MAP2K4: variants seen among roughly 807,000 people sequenced by gnomAD.
MAP2K4 encodes mitogen-activated protein kinase kinase 4.
In MAP2K4, 4 loss-of-function variants were observed where a neutral mutation model predicts 48.5. That is an observed-to-expected ratio of 0.08 (90% CI 0.04 to 0.19). MAP2K4 has a LOEUF of 0.19. Ranked by LOEUF, MAP2K4 falls within the 10% of genes least tolerant of loss-of-function variation. The pLI, the probability that MAP2K4 is intolerant of heterozygous loss-of-function variation, is 1.00. For missense variants in MAP2K4, 258 were observed against 493.3 expected, an observed-to-expected ratio of 0.52 and a Z score of 4.52; for synonymous variants, 166 against 173.1, an observed-to-expected ratio of 0.96 and a Z score of 0.32.
chr17:12,106,126 C>T (rs768278551), intron 4 of MAP2K4, among the ~76,000 whole-genome samples: 3 of 151,658 alleles, frequency 2.0e-5, no homozygotes, highest in Non-Finnish European at 4.4e-5. Flanking sequence ...TTTTTTTTTC[C>T]GCTTTGCTAT....
At chr17:12,085,829 T>A (rs1971343650) in intron 3 of MAP2K4, among the ~76,000 whole-genome samples, 2 of 152,128 alleles carry the variant, frequency 1.3e-5, no homozygotes, top group Admixed American at 1.3e-4. Context: ...TGAGTAGGCC[T>A]CCCTGGTGTA....
chr17:12,054,804 C>T, intron 1 of MAP2K4, 85 bp from the exon 2 acceptor site: 1 of 765,110 alleles, frequency 1.3e-6, no homozygotes, highest in African/African-American at 1.7e-5. Flanking sequence ...GTTCTCTTGC[C>T]TTTTGGTGTG....
intron 2 of MAP2K4, among the ~76,000 whole-genome samples, chr17:12,076,835 G>A (rs952400339): frequency 1.0e-4 from 15 of 149,502 alleles, no homozygotes; most frequent in African/African-American, 2.0e-4. Context: ...CCAGAGTTAC[G>A]GATTTTTTGT....
chr17:12,025,592 C>G (rs1969228592), intron 1 of MAP2K4, among the ~76,000 whole-genome samples: 1 of 152,310 alleles, frequency 6.6e-6, no homozygotes, highest in Admixed American at 6.5e-5. Context: ...GTAGGTGCCT[C>G]TGATTCTCTT....
intron 3 of MAP2K4, among the ~76,000 whole-genome samples, chr17:12,091,962 C>G (rs899954632): frequency 2.6e-5 from 4 of 151,828 alleles, no homozygotes; most frequent in Non-Finnish European, 1.5e-5. Context: ...TCAAGAAACA[C>G]AATTTAATTT....
intron 1 of MAP2K4, among the ~76,000 whole-genome samples, chr17:12,025,557 A>G (rs570918425): frequency 6.6e-6 from 1 of 152,324 alleles, no homozygotes; most frequent in South Asian, 2.1e-4. Flanking sequence ...TACTTGTTAC[A>G]AGAAATAGTT....
chr17:12,062,868 T>G (rs1970494552), intron 2 of MAP2K4, among the ~76,000 whole-genome samples: 1 of 152,126 alleles, frequency 6.6e-6, no homozygotes, highest in South Asian at 2.1e-4. Flanking sequence ...GAAATCTTGC[T>G]GTGTTTGCAT....
rs114330252 is a variant in MAP2K4 at position 12,091,460 on chromosome 17, C to T, written c.394-4115C>T. On this transcript the variant is annotated intron_variant, in intron 3 of 10. Coordinates refer to ENST00000353533, the MANE Select transcript of MAP2K4 (RefSeq NM_003010.4). Reference sequence around the variant, plus strand: ...ATGGGACTTGTTAACTTTCTATTACCGCGGCCTAATCCATACAGAACTCCC... The same window carrying T: ...ATGGGACTTGTTAACTTTCTATTACTGCGGCCTAATCCATACAGAACTCCC... Among the ~76,000 whole-genome samples the T allele has an allele frequency of 2.9e-3, 437 of 152,222 alleles. 2 individuals carry two copies. The highest frequency in any genetic ancestry group is 6.6e-3 in the African/African-American group (274 of 41,512).
At chr17:12,057,175 C>G (rs556992897) in intron 2 of MAP2K4, among the ~76,000 whole-genome samples, 6 of 151,890 alleles carry the variant, frequency 4.0e-5, no homozygotes. Flanking sequence ...AATTGGCTGT[C>G]GTAATTTTAG....
intron 2 of MAP2K4, among the ~76,000 whole-genome samples, chr17:12,070,075 T>C (rs1970752417): frequency 6.7e-6 from 1 of 150,300 alleles, no homozygotes; most frequent in African/African-American, 2.5e-5. Flanking sequence ...TTTGATAGCA[T>C]TGGGAAGAAA....
At chr17:12,026,557 C>T (rs1438661323) in intron 1 of MAP2K4, among the ~76,000 whole-genome samples, 1 of 152,218 alleles carries the variant, frequency 6.6e-6, no homozygotes, top group East Asian at 1.9e-4. Flanking sequence ...TAGTCCCCTT[C>T]ATAGATGAGG....
chr17:12,124,473 A>G (rs1972788467), intron 7 of MAP2K4: 1 of 152,220 alleles, frequency 6.6e-6, no homozygotes, highest in Non-Finnish European at 1.5e-5. Flanking sequence ...ACATATGTGT[A>G]GTGATAAATT....
chr17:12,071,752 C>CA (rs1328001575), intron 2 of MAP2K4, among the ~76,000 whole-genome samples: 2 of 152,062 alleles, frequency 1.3e-5, no homozygotes, highest in Admixed American at 6.5e-5. Flanking sequence ...AGAGGAGTGG[C>CA]AGTGTAGAAG....
chr17:12,088,364 A>G (rs1011077232), intron 3 of MAP2K4, among the ~76,000 whole-genome samples: 1 of 149,474 alleles, frequency 6.7e-6, no homozygotes, highest in African/African-American at 2.5e-5. Context: ...TTTGTAGATC[A>G]CAGAAACTGG....
chr17:12,065,601 A>C (rs1277487043), intron 2 of MAP2K4, among the ~76,000 whole-genome samples: 3 of 151,594 alleles, frequency 2.0e-5, no homozygotes, highest in Non-Finnish European at 1.5e-5. Context: ...CGCCTGGCCT[A>C]ATTTTTGTAT....
chr17:12,025,462 A>T (rs1969224866), intron 1 of MAP2K4, among the ~76,000 whole-genome samples: 1 of 152,232 alleles, frequency 6.6e-6, no homozygotes, highest in Admixed American at 6.5e-5. Context: ...TAGCTGAGAA[A>T]TGTCAGTTTT....
chr17:12,135,840 G>A (rs1000356068), intron 9 of MAP2K4, among the ~76,000 whole-genome samples: 3 of 152,138 alleles, frequency 2.0e-5, no homozygotes, highest in Non-Finnish European at 4.4e-5. Context: ...GTGAACCATC[G>A]TGCCCCACCT....
intron 3 of MAP2K4, among the ~76,000 whole-genome samples, chr17:12,093,221 A>G (rs1187341351): frequency 1.3e-5 from 2 of 152,228 alleles, no homozygotes; most frequent in Non-Finnish European, 2.9e-5. Context: ...ATTTTGTACT[A>G]AAGTGACATT....
At chr17:12,030,225 A>G (rs760299232) in intron 1 of MAP2K4, among the ~76,000 whole-genome samples, 1 of 151,568 alleles carries the variant, frequency 6.6e-6, no homozygotes, top group Non-Finnish European at 1.5e-5. Context: ...CCCTAATTTA[A>G]TAATGTTAAG....
Sources: allele counts gnomAD v4.1 joint callset (sites outside exome capture counted in the v4.1 genomes callset), GRCh38; gene constraint gnomAD v4.1.1; transcripts MANE v1.5; gene names NCBI Gene and HGNC (gene_info 2026-07-23, HGNC 2026-07-21).